Variants in PKHD1 observed in about 807,000 individuals in gnomAD.
The protein encoded by PKHD1 is PKHD1 ciliary IPT domain containing fibrocystin/polyductin, also known as fibrocystin.
Under a neutral mutation model 412.0 loss-of-function variants are expected in PKHD1, and 291 were observed. That is an observed-to-expected ratio of 0.71 (90% CI 0.64 to 0.78). The LOEUF is 0.78. PKHD1 is among the 30% of genes least tolerant of loss of function. The pLI is 0.00. For missense variants in PKHD1, 4,825 were observed against 4,950.7 expected (o/e 0.97, Z 0.76); for synonymous variants, 1,777 against 1,821.5 (o/e 0.98, Z 0.62).
Position 51,748,466 on chromosome 6 carries a change from G to A in PKHD1, c.9150C>T (p.Gly3050=). The change falls in exon 58 of 67, where the codon GGC becomes GGT. Residue 3050 remains glycine, a synonymous_variant. Coordinates refer to ENST00000371117, the MANE Select transcript of PKHD1 (RefSeq NM_138694.4). ...DNIVFGTAGH[G]IDLEGQAYTV... Reference sequence around the variant, plus strand: ...TATAGGCCTGACCCTCTAAATCTATGCCATGGCCAGCTGTGCCAAACACAA... The same window carrying A: ...TATAGGCCTGACCCTCTAAATCTATACCATGGCCAGCTGTGCCAAACACAA... The A allele has an allele frequency of 1.9e-6, 3 of 1,613,872 alleles. No homozygotes were observed. The highest frequency in any genetic ancestry group is 1.7e-6 in the Non-Finnish European group (2 of 1,179,850).
intron 60 of PKHD1, among the ~76,000 whole-genome samples, chr6:51,695,491 A>C (rs1778691548): frequency 6.6e-6 from 1 of 152,188 alleles, no homozygotes; most frequent in Non-Finnish European, 1.5e-5. Context: ...GAGGAGGAAG[A>C]AGAAGAAATC....
At chr6:51,685,132 T>C (rs374711888) in intron 60 of PKHD1, among the ~76,000 whole-genome samples, 3 of 152,224 alleles carry the variant, frequency 2.0e-5, no homozygotes, top group African/African-American at 7.2e-5. Flanking sequence ...GAAGCCGCCT[T>C]CTGGGAAAAT....
chr6:51,988,353 T>G (rs1005097427), intron 35 of PKHD1, among the ~76,000 whole-genome samples: 1 of 152,176 alleles, frequency 6.6e-6, no homozygotes, highest in Non-Finnish European at 1.5e-5. Flanking sequence ...ATCTCAAACA[T>G]AATAATTAAT....
intron 37 of PKHD1, among the ~76,000 whole-genome samples, chr6:51,913,583 T>C (rs1286825745): frequency 6.6e-6 from 1 of 152,128 alleles, no homozygotes; most frequent in African/African-American, 2.4e-5. Flanking sequence ...CTTCCTCTTT[T>C]GCAATGGATG....
intron 6 of PKHD1, 68 bp downstream of exon 6, chr6:52,076,208 C>G: frequency 9.1e-7 from 1 of 1,093,738 alleles, no homozygotes; most frequent in Non-Finnish European, 1.4e-6. Context: ...AAACCACTCA[C>G]CTAGGTTTGC....
intron 31 of PKHD1, 110 bp downstream of exon 31, chr6:52,027,719 T>C: frequency 2.5e-6 from 2 of 808,886 alleles, no homozygotes; most frequent in Non-Finnish European, 4.3e-6. Flanking sequence ...GTTTCTCTCC[T>C]GTTTCCCCTC....
At chr6:51,696,308 T>C (rs1278664766) in intron 60 of PKHD1, among the ~76,000 whole-genome samples, 3 of 152,302 alleles carry the variant, frequency 2.0e-5, no homozygotes, top group Admixed American at 1.3e-4. Context: ...AGCTGATCTT[T>C]AATCATAGAT....
intron 49 of PKHD1, among the ~76,000 whole-genome samples, chr6:51,854,717 G>T (rs182627207): frequency 2.0e-5 from 3 of 152,264 alleles, no homozygotes; most frequent in Admixed American, 6.5e-5. Context: ...GCTGCAGACA[G>T]CCACAGCTGG....
chr6:52,065,162 TATATATAGAGAGAGAGAG>T (rs1421437274), intron 12 of PKHD1, 112 bp from the exon 13 acceptor site: 1 of 65,564 alleles, frequency 1.5e-5, no homozygotes, highest in Admixed American at 2.0e-4. Flanking sequence ...TATATATATA[TATATATAGAGAGAGAGAG>T]AGAGAGAGAG....
chr6:51,887,794 A>T (rs1778455608), intron 43 of PKHD1, among the ~76,000 whole-genome samples: 1 of 152,220 alleles, frequency 6.6e-6, no homozygotes, highest in Non-Finnish European at 1.5e-5. Flanking sequence ...TCTTTTCTTT[A>T]TAAGTTACCC....
rs142084072 is a variant in PKHD1, at chr6:51,740,795, G to A, written c.10156+3590C>T. Among the ~76,000 whole-genome samples, 5 of 152,284 alleles carry A rather than the reference G, an allele frequency of 3.3e-5. No individual in the cohort carries two copies. The South Asian group carries it at 6.2e-4, about 19-fold the overall frequency. On this transcript the variant is annotated intron_variant, in intron 60 of 66. Transcript: ENST00000371117. ...AAATACTGCAATCCTGTCAGCACCC[G>A]GAAGGCACCATTTACTATGTGCTGT...
intron 66 of PKHD1, among the ~76,000 whole-genome samples, chr6:51,623,623 A>G (rs1487332303): frequency 6.6e-6 from 1 of 151,892 alleles, no homozygotes; most frequent in Non-Finnish European, 1.5e-5. Flanking sequence ...TCGCTCTGTC[A>G]CCCAGGCTGG....
intron 64 of PKHD1, 43 bp downstream of exon 64, chr6:51,638,799 CAAAAAAA>C (rs376358912): frequency 7.1e-6 from 6 of 849,576 alleles, no homozygotes; most frequent in East Asian, 2.7e-5. Flanking sequence ...ATTATCTTCT[CAAAAAAA>C]AAAAAAAAAA....
chr6:51,713,657 A>T (rs1328094508), intron 60 of PKHD1, among the ~76,000 whole-genome samples: 1 of 152,122 alleles, frequency 6.6e-6, no homozygotes, highest in Non-Finnish European at 1.5e-5. Context: ...TTCTGCAGAG[A>T]TTTACACTCA....
rs201323647 is a variant in PKHD1, at chr6:51,903,972, A to G, written c.6865+14T>C. The G allele has an allele frequency of 4.6e-6, 7 of 1,514,862 alleles. No individual in the cohort carries two copies. Among genetic ancestry groups the G allele is most frequent in the East Asian group, 4.5e-5 (2 of 44,360 alleles). The allele number at this position is 1,514,862 out of a possible 1,614,324, so 93.8% of individuals were successfully genotyped here. On this transcript the variant is annotated intron_variant, in intron 42 of 66. Coordinates refer to ENST00000371117, the MANE Select transcript of PKHD1 (RefSeq NM_138694.4). ...ATACACTGTAATAGATTTAAAATCA[A>G]TTTACATATTTACCATCTTTCCTTC...
At chr6:51,640,971 T>A (rs1005044787) in intron 63 of PKHD1, among the ~76,000 whole-genome samples, 3 of 152,190 alleles carry the variant, frequency 2.0e-5, no homozygotes, top group African/African-American at 7.2e-5. Flanking sequence ...AGAGGAGATA[T>A]ATAGATATGG....
At position 51,769,086 on chromosome 6, in the gene PKHD1, CT is replaced by C. The variant is rs1004626266; in HGVS notation, c.8642+3615del. ...CAAACATAGCTTGCTTTGTTTGTTG[CT>C]TTTTTATTTATGATTTTTTACATTC... On this transcript the variant is annotated intron_variant, in intron 55 of 66. Coordinates refer to ENST00000371117, the MANE Select transcript of PKHD1 (RefSeq NM_138694.4). Among the ~76,000 whole-genome samples, 172 of 145,874 alleles carry C rather than the reference CT, an allele frequency of 1.2e-3. 1 individual carries two copies. Among genetic ancestry groups the C allele is most frequent in the African/African-American group, 4.6e-3 (171 of 37,550 alleles).
At chr6:52,011,828 G>A (rs1215025388) in intron 34 of PKHD1, among the ~76,000 whole-genome samples, 1 of 152,216 alleles carries the variant, frequency 6.6e-6, no homozygotes, top group Non-Finnish European at 1.5e-5. Context: ...AATGTAGACT[G>A]TCAATATGTT....
intron 2 of PKHD1, among the ~76,000 whole-genome samples, chr6:52,084,020 C>A (rs1812405544): frequency 6.6e-6 from 1 of 151,556 alleles, no homozygotes; most frequent in Non-Finnish European, 1.5e-5. Flanking sequence ...AGATTGGATT[C>A]TCCTGTATAG....
Sources: allele counts gnomAD v4.1 joint callset (sites outside exome capture counted in the v4.1 genomes callset), GRCh38; gene constraint gnomAD v4.1.1; transcripts MANE v1.5; gene names NCBI Gene and HGNC (gene_info 2026-07-23, HGNC 2026-07-21).